The following LPCAT2 variants were observed in gnomAD, a reference collection of about 807,000 sequenced individuals.
LPCAT2 encodes lysophosphatidylcholine acyltransferase 2.
LPCAT2 carries 58 observed loss-of-function variants against 64.7 expected under a neutral mutation model. The observed-to-expected ratio is 0.90, with a 90% CI of 0.73 to 1.12. LPCAT2 has a LOEUF of 1.12. Among genes scored for constraint, LPCAT2 ranks in the 50% most tolerant of loss-of-function variants. The pLI is 0.00. For missense variants in LPCAT2, 579 were observed against 669.8 expected (o/e 0.86, Z 1.50); for synonymous variants, 252 against 245.3 (o/e 1.03, Z -0.26).
chr16:55,522,899 A>G (rs1963117518), intron 1 of LPCAT2, among the ~76,000 whole-genome samples: 1 of 151,714 alleles, frequency 6.6e-6, no homozygotes, highest in South Asian at 2.1e-4. Flanking sequence ...ACCTTGAGGT[A>G]AAGATTTTTT....
At chr16:55,534,011 A>C (rs1269554979) in intron 6 of LPCAT2, among the ~76,000 whole-genome samples, 1 of 152,164 alleles carries the variant, frequency 6.6e-6, no homozygotes, top group East Asian at 1.9e-4. Context: ...ATTAAAATCT[A>C]TCAAACTTTT....
At chr16:55,564,842 T>A (rs1323699759) in intron 11 of LPCAT2, among the ~76,000 whole-genome samples, 1 of 151,858 alleles carries the variant, frequency 6.6e-6, no homozygotes, top group African/African-American at 2.4e-5. Flanking sequence ...TAGATAAATA[T>A]GACCACATAC....
intron 1 of LPCAT2, among the ~76,000 whole-genome samples, chr16:55,517,425 T>G (rs184047437): frequency 2.0e-4 from 30 of 151,948 alleles, no homozygotes; most frequent in African/African-American, 7.2e-4. Flanking sequence ...AATGAAGAAT[T>G]AATGCCAATC....
chr16:55,549,790 T>C (rs564725963), intron 10 of LPCAT2, among the ~76,000 whole-genome samples: 1 of 152,340 alleles, frequency 6.6e-6, no homozygotes, highest in East Asian at 1.9e-4. Flanking sequence ...ATTTGTATAG[T>C]TGCAATTCTT....
At chr16:55,516,959 G>A (rs1162094273) in intron 1 of LPCAT2, among the ~76,000 whole-genome samples, 1 of 152,066 alleles carries the variant, frequency 6.6e-6, no homozygotes, top group Non-Finnish European at 1.5e-5. Flanking sequence ...TGGATTGAAA[G>A]TAGAAATCAA....
chr16:55,573,339 A>G (rs970276969), intron 11 of LPCAT2, among the ~76,000 whole-genome samples: 4 of 151,984 alleles, frequency 2.6e-5, no homozygotes, highest in Admixed American at 1.3e-4. Flanking sequence ...TGGAAGTTCT[A>G]TGAACCTAGA....
chr16:55,567,139 T>G (rs766891009), intron 11 of LPCAT2: 3 of 1,613,912 alleles, frequency 1.9e-6, no homozygotes, highest in African/African-American at 1.3e-5. Flanking sequence ...CGGAGCATTG[T>G]GTCTGTCATG....
At chr16:55,582,717 G>A (rs1283635433) in intron 13 of LPCAT2, among the ~76,000 whole-genome samples, 197 bp from the exon 14 acceptor site, 1 of 152,078 alleles carries the variant, frequency 6.6e-6, no homozygotes, top group Non-Finnish European at 1.5e-5. Context: ...CAAAGAGTAT[G>A]TATATCTTCA....
In LPCAT2 at chr16:55,520,271, CAT is replaced by C. The variant is rs142501016; in HGVS notation, c.172-5236_172-5235del. Among the ~76,000 whole-genome samples the C allele has an allele frequency of 3.4e-3, 518 of 152,124 alleles. 4 individuals carry two copies. The highest frequency in any genetic ancestry group is 7.9e-3 in the South Asian group (38 of 4,830). On this transcript the variant is annotated intron_variant, in intron 1 of 13. Coordinates refer to ENST00000262134, the MANE Select transcript of LPCAT2 (RefSeq NM_017839.5). Reference sequence around the variant, plus strand: ...ATATCAGATAAAGTAGACTTCAAGACATGTCATGATATCAGATATAAAGAGGA... The same window carrying C: ...ATATCAGATAAAGTAGACTTCAAGACGTCATGATATCAGATATAAAGAGGA...
chr16:55,551,343 A>G (rs1004660747), intron 11 of LPCAT2: 11 of 174,596 alleles, frequency 6.3e-5, no homozygotes, highest in Non-Finnish European at 1.3e-4. Flanking sequence ...ATCATATCAT[A>G]TATATATCTA....
At chr16:55,539,628 C>T (rs909702932) in intron 8 of LPCAT2, 3 of 152,128 alleles carry the variant, frequency 2.0e-5, no homozygotes, top group Non-Finnish European at 4.4e-5. Flanking sequence ...GCCCTTCAGG[C>T]ACTAAGTATA....
At chr16:55,553,099 A>G (rs925026880) in intron 11 of LPCAT2, among the ~76,000 whole-genome samples, 9 of 152,128 alleles carry the variant, frequency 5.9e-5, no homozygotes, top group Non-Finnish European at 1.0e-4. Context: ...TTAGCTGGGC[A>G]TGGTGGTACA....
intron 4 of LPCAT2, 35 bp from the exon 5 acceptor site, chr16:55,531,879 G>C: frequency 7.6e-7 from 1 of 1,315,502 alleles, no homozygotes; most frequent in Non-Finnish European, 1.1e-6. Context: ...TTATTAATTA[G>C]ATTGAAATAT....
intron 11 of LPCAT2, among the ~76,000 whole-genome samples, chr16:55,566,112 G>A (rs1502001): frequency 0.072 from 11,003 of 152,130 alleles, 488 homozygotes; most frequent in African/African-American, 0.13. Context: ...TTTTTTACAT[G>A]AATGTTACAT....
At position 55,550,973 on chromosome 16, in the gene LPCAT2, G is replaced by GC. The variant is rs1963510270; in HGVS notation, c.1087dup (p.His363ProfsTer4). The GC allele has an allele frequency of 6.2e-7, 1 of 1,605,048 alleles. No homozygotes were observed. The highest frequency in any genetic ancestry group is 1.3e-5 in the African/African-American group (1 of 74,816). ...GATTAGATTGGGATGGTGTTCGTAA[G>GC]CATTTGGATGAATATGCATCTATTG... On this transcript the variant is annotated frameshift_variant, in exon 11 of 14. Transcript: ENST00000262134. LOFTEE classifies it high-confidence loss of function.
intron 8 of LPCAT2, 23 bp from the exon 9 acceptor site, chr16:55,545,712 G>A: frequency 1.4e-6 from 2 of 1,464,146 alleles, no homozygotes; most frequent in Non-Finnish European, 9.5e-7. Flanking sequence ...ACATTGTTAT[G>A]GAAAGGTATA....
Position 55,584,639 on chromosome 16 carries a change from C to T in LPCAT2, c.*1541C>T, listed in dbSNP as rs1434846856. On this transcript the variant is annotated 3_prime_UTR_variant, in exon 14 of 14. Transcript: ENST00000262134. ...TGTTTCTGAATGTATTGGTGATTCA[C>T]CCCCAAGCTAATTTTTTAAAGTCAT... The T allele has an allele frequency of 2.0e-5, 3 of 152,098 alleles. No individual in the cohort carries two copies. Among genetic ancestry groups the T allele is most frequent in the Non-Finnish European group, 2.9e-5 (2 of 68,008 alleles). 9.4% of individuals were successfully genotyped at this position (152,098 alleles called of 1,614,324 possible).
intron 9 of LPCAT2, among the ~76,000 whole-genome samples, chr16:55,548,002 G>T (rs1005923930): frequency 1.3e-5 from 2 of 152,052 alleles, no homozygotes; most frequent in African/African-American, 4.8e-5. Context: ...TCCTGACCTC[G>T]GGTGATCCGC....
rs773778470 is a variant in LPCAT2 at position 55,583,110 on chromosome 16, C to G, written c.*12C>G. ...AAAAAGATGACTGAAAGCAGTATTT[C>G]CAATAAGGAAAACACAGTAGCTTTT... On this transcript the variant is annotated 3_prime_UTR_variant, in exon 14 of 14. Coordinates refer to ENST00000262134, the MANE Select transcript of LPCAT2 (RefSeq NM_017839.5). 7 of 1,604,416 alleles carry G rather than the reference C, an allele frequency of 4.4e-6. No individual in the cohort carries two copies. The highest frequency in any genetic ancestry group is 6.0e-6 in the Non-Finnish European group (7 of 1,173,880).
Sources: gnomAD v4.1 joint callset for allele counts (sites outside exome capture counted in the v4.1 genomes callset) on GRCh38, gnomAD v4.1.1 for gene constraint, MANE v1.5 for transcripts, NCBI Gene and HGNC (gene_info 2026-07-23, HGNC 2026-07-21) for gene names.